COL24A1: variants seen among roughly 807,000 people sequenced by gnomAD.
COL24A1 encodes collagen alpha-1(XXIV) chain.
A neutral mutation model predicts 253.9 loss-of-function variants in COL24A1; 224 were observed. The observed-to-expected ratio is 0.88, with a 90% confidence interval of 0.79 to 0.99. The LOEUF (loss-of-function observed/expected upper bound fraction) is 0.99, where lower values mean the gene tolerates loss of function less well. Ranked by LOEUF, COL24A1 falls within the 50% of genes least tolerant of loss-of-function variation. COL24A1 has a pLI of 0.00. For synonymous variants in COL24A1, 685 were observed against 673.7 expected (o/e 1.02, Z -0.26); for missense variants, 2,131 against 2,068.5 (o/e 1.03, Z -0.59).
Position 85,877,023 on chromosome 1 carries a change from GA to G in COL24A1, c.3030+98del, listed in dbSNP as rs200108173. 2,090 of 799,992 alleles carry G rather than the reference GA, an allele frequency of 2.6e-3. 38 individuals are homozygous for G. The African/African-American group carries it at 0.033, about 13-fold the overall frequency. The allele number at this position is 799,992 out of a possible 1,614,324, so 49.6% of individuals were successfully genotyped here. ...TTTCTGAATATGAAACAATACTATA[GA>G]ATTATTCCTCATAGTATATATTTAA... On this transcript the variant is annotated intron_variant, in intron 33 of 59. Coordinates refer to ENST00000370571, the MANE Select transcript of COL24A1 (RefSeq NM_152890.7).
At chr1:85,914,982 C>T (rs74661309) in intron 24 of COL24A1, among the ~76,000 whole-genome samples, 48 of 152,158 alleles carry the variant, frequency 3.2e-4, no homozygotes, top group Middle Eastern at 3.4e-3. Flanking sequence ...AGGGCTGTCA[C>T]GGTTAATTTT....
chr1:85,924,214 G>C (rs1686905173), intron 24 of COL24A1, among the ~76,000 whole-genome samples: 1 of 152,164 alleles, frequency 6.6e-6, no homozygotes, highest in Non-Finnish European at 1.5e-5. Context: ...GGACCAGACG[G>C]ATTCACAGCC....
At chr1:85,837,846 G>T (rs1248987090) in intron 43 of COL24A1, among the ~76,000 whole-genome samples, 2 of 152,064 alleles carry the variant, frequency 1.3e-5, no homozygotes, top group South Asian at 2.1e-4. Flanking sequence ...AATAAGACAG[G>T]AACTATAGGG....
At chr1:85,906,806 G>T (rs1050697550) in intron 28 of COL24A1, among the ~76,000 whole-genome samples, 8 of 151,638 alleles carry the variant, frequency 5.3e-5, no homozygotes, top group Admixed American at 2.0e-4. Flanking sequence ...GTGTATCTTT[G>T]TTCCACTTCT....
At chr1:86,103,097 G>A (rs1035644484) in intron 5 of COL24A1, among the ~76,000 whole-genome samples, 16 of 152,036 alleles carry the variant, frequency 1.1e-4, no homozygotes, top group African/African-American at 3.6e-4. Context: ...GAAAAGTTAG[G>A]TCTTCTTGTT....
chr1:86,063,646 C>A, intron 8 of COL24A1, 69 bp downstream of exon 8: 2 of 1,128,790 alleles, frequency 1.8e-6, no homozygotes, highest in Middle Eastern at 2.1e-4. Flanking sequence ...GGAAAATAAT[C>A]TCTCAAAGGA....
chr1:85,789,002 C>T (rs1271851208), intron 47 of COL24A1, among the ~76,000 whole-genome samples: 1 of 152,144 alleles, frequency 6.6e-6, no homozygotes, highest in Non-Finnish European at 1.5e-5. Flanking sequence ...AGTGATGCTT[C>T]TAGCTTTGTT....
At chr1:85,806,663 G>C (rs753354531) in intron 47 of COL24A1, among the ~76,000 whole-genome samples, 22 of 133,986 alleles carry the variant, frequency 1.6e-4, no homozygotes, top group Admixed American at 5.9e-4. Flanking sequence ...TACAAAAACA[G>C]GCTGATTTGT....
intron 37 of COL24A1, among the ~76,000 whole-genome samples, chr1:85,851,067 C>G (rs986838182): frequency 6.7e-6 from 1 of 150,248 alleles, no homozygotes; most frequent in African/African-American, 2.4e-5. Context: ...TAAACATATA[C>G]TTATCCAAAC....
At chr1:85,744,618 T>C (rs753385309) in intron 57 of COL24A1, 48 bp downstream of exon 57, 18 of 1,457,440 alleles carry the variant, frequency 1.2e-5, no homozygotes, top group Non-Finnish European at 1.6e-5. Flanking sequence ...CACACTGAAA[T>C]GATGAAATGA....
chr1:85,758,119 G>T (rs1666454652), intron 55 of COL24A1, among the ~76,000 whole-genome samples: 1 of 152,042 alleles, frequency 6.6e-6, no homozygotes, highest in Non-Finnish European at 1.5e-5. Context: ...TCTAGTCTAG[G>T]CACCTCAGTA....
At chr1:85,890,412 C>CTTTTT (rs35384514) in intron 31 of COL24A1, among the ~76,000 whole-genome samples, 1 of 147,282 alleles carries the variant, frequency 6.8e-6, no homozygotes, top group Non-Finnish European at 1.5e-5. Context: ...CACAAATTTT[C>CTTTTT]TTTTTTTTTT....
At chr1:85,994,092 T>C (rs1476837443) in intron 19 of COL24A1, among the ~76,000 whole-genome samples, 1 of 152,008 alleles carries the variant, frequency 6.6e-6, no homozygotes, top group Non-Finnish European at 1.5e-5. Flanking sequence ...GCTTTAAATA[T>C]ACAAGAACAC....
chr1:85,743,970 A>G (rs1274814078), intron 57 of COL24A1, among the ~76,000 whole-genome samples: 2 of 152,128 alleles, frequency 1.3e-5, no homozygotes, highest in East Asian at 1.9e-4. Context: ...ACAGAATAAC[A>G]TAACATAGCT....
At chr1:86,104,042 T>C (rs1704711687) in intron 5 of COL24A1, among the ~76,000 whole-genome samples, 2 of 152,242 alleles carry the variant, frequency 1.3e-5, no homozygotes, top group Admixed American at 1.3e-4. Context: ...ATTTGGTCTC[T>C]TTACATGATC....
intron 24 of COL24A1, among the ~76,000 whole-genome samples, chr1:85,924,702 G>C (rs2134412): frequency 2.0e-5 from 3 of 151,848 alleles, no homozygotes; most frequent in Admixed American, 6.6e-5. Context: ...TGACAAACCC[G>C]CAGCCAATAT....
In COL24A1 at chr1:85,730,135, T is replaced by A. The variant is rs1663334141; in HGVS notation, c.*411A>T. On this transcript the variant is annotated 3_prime_UTR_variant, in exon 60 of 60. Coordinates refer to ENST00000370571, the MANE Select transcript of COL24A1 (RefSeq NM_152890.7). ...TTAGTGTTTTGGAAAATAAGACATATTAGACTGTGGCTTGTAATTTTTAGA... is the reference window on the plus strand; with the variant it reads ...TTAGTGTTTTGGAAAATAAGACATAATAGACTGTGGCTTGTAATTTTTAGA... 6.4e-6 allele frequency: 1 copy of A among 155,628 alleles called. No homozygotes were observed. The highest frequency in any genetic ancestry group is 6.3e-5 in the Admixed American group (1 of 15,820). The allele number at this position is 155,628 out of a possible 1,614,324, so 9.6% of individuals were successfully genotyped here.
intron 3 of COL24A1, among the ~76,000 whole-genome samples, chr1:86,124,633 A>C (rs150699571): frequency 4.7e-4 from 71 of 152,124 alleles, no homozygotes; most frequent in Middle Eastern, 6.8e-3. Context: ...TACCAGATGA[A>C]GAACAAAAGC....
At chr1:86,076,856 A>G (rs943000595) in intron 7 of COL24A1, among the ~76,000 whole-genome samples, 1 of 152,258 alleles carries the variant, frequency 6.6e-6, no homozygotes, top group African/African-American at 2.4e-5. Context: ...GATGGATTAC[A>G]GACTTAAATG....
Sources: gnomAD v4.1 joint callset for allele counts (sites outside exome capture counted in the v4.1 genomes callset) on GRCh38, gnomAD v4.1.1 for gene constraint, MANE v1.5 for transcripts, NCBI Gene and HGNC (gene_info 2026-07-23, HGNC 2026-07-21) for gene names.